Variants in ADAMTS19 observed in about 807,000 individuals in gnomAD.
The protein encoded by ADAMTS19 is A disintegrin and metalloproteinase with thrombospondin motifs 19.
Under a neutral mutation model 153.3 loss-of-function variants are expected in ADAMTS19, and 93 were observed. The observed-to-expected ratio is 0.61, with a 90% CI of 0.51 to 0.72. ADAMTS19 has a LOEUF of 0.72. ADAMTS19 is among the 30% of genes least tolerant of loss of function. ADAMTS19 has a pLI of 0.00. For missense variants in ADAMTS19, 1,482 were observed against 1,552.1 expected, an observed-to-expected ratio of 0.95 and a Z score of 0.76; for synonymous variants, 600 against 556.6, an observed-to-expected ratio of 1.08 and a Z score of -1.10.
At chr5:129,645,944 A>G (rs533365380) in intron 11 of ADAMTS19, among the ~76,000 whole-genome samples, 3 of 124,186 alleles carry the variant, frequency 2.4e-5, no homozygotes, top group African/African-American at 6.3e-5. Context: ...GCTGGAGTGC[A>G]GTGGCGGGAT....
At chr5:129,668,384 A>G (rs1754147201) in intron 16 of ADAMTS19, among the ~76,000 whole-genome samples, 1 of 152,214 alleles carries the variant, frequency 6.6e-6, no homozygotes, top group Non-Finnish European at 1.5e-5. Flanking sequence ...TATAAACAAC[A>G]GAAATGTATT....
chr5:129,684,057 A>G (rs1754952614), intron 17 of ADAMTS19, 63 bp from the exon 18 acceptor site: 2 of 1,480,078 alleles, frequency 1.4e-6, no homozygotes, highest in African/African-American at 1.4e-5. Context: ...TGTTAATTTT[A>G]TGCTTTACAT....
At chr5:129,598,688 G>A (rs1750500743) in intron 8 of ADAMTS19, among the ~76,000 whole-genome samples, 1 of 152,140 alleles carries the variant, frequency 6.6e-6, no homozygotes, top group South Asian at 2.1e-4. Context: ...ATATTTAGCA[G>A]TTGTGTTGAG....
intron 18 of ADAMTS19, among the ~76,000 whole-genome samples, chr5:129,686,276 G>T (rs1342472976): frequency 1.3e-5 from 2 of 152,122 alleles, no homozygotes; most frequent in Non-Finnish European, 2.9e-5. Context: ...GAGGCTGAAA[G>T]TGGTGGATCA....
chr5:129,732,828 C>T (rs77969924), intron 21 of ADAMTS19, among the ~76,000 whole-genome samples: 2,386 of 152,034 alleles, frequency 0.016, 61 homozygotes, highest in African/African-American at 0.053. Context: ...GAAATTCATA[C>T]AGAACTCCAA....
chr5:129,490,524 AG>A (rs2126688738), intron 2 of ADAMTS19, among the ~76,000 whole-genome samples: 1 of 152,318 alleles, frequency 6.6e-6, no homozygotes, highest in East Asian at 1.9e-4. Context: ...AGGCAACTAA[AG>A]CTCTCTAATT....
intron 2 of ADAMTS19, among the ~76,000 whole-genome samples, chr5:129,496,699 A>G (rs200133471): frequency 6.6e-6 from 1 of 152,156 alleles, no homozygotes; most frequent in East Asian, 1.9e-4. Context: ...ACTAGGCTGG[A>G]ATTGCATGAG....
intron 16 of ADAMTS19, among the ~76,000 whole-genome samples, chr5:129,679,427 C>G (rs1394381170): frequency 6.6e-6 from 1 of 152,056 alleles, no homozygotes; most frequent in Non-Finnish European, 1.5e-5. Flanking sequence ...ACTGGATAGA[C>G]TAAATAGATA....
chr5:129,652,142 A>G (rs187457960), intron 13 of ADAMTS19, among the ~76,000 whole-genome samples: 19 of 152,342 alleles, frequency 1.2e-4, no homozygotes, highest in Admixed American at 7.2e-4. Flanking sequence ...AAAATAATCC[A>G]CAATACCTAT....
intron 16 of ADAMTS19, among the ~76,000 whole-genome samples, chr5:129,674,101 T>A (rs192689484): frequency 7.7e-4 from 117 of 152,054 alleles, no homozygotes; most frequent in African/African-American, 2.6e-3. Context: ...TGTGGTGGCA[T>A]GCCCCTGTAA....
rs919143508 is a variant in ADAMTS19 at position 129,461,296 on chromosome 5, C to A, written c.286C>A (p.Pro96Thr). ...CGAGGTGCGCTCTGTGGCTCCGGTGCCTTTGGAGGAGCCCGTGGAGGGCCG... is the reference window on the plus strand; with the variant it reads ...CGAGGTGCGCTCTGTGGCTCCGGTGACTTTGGAGGAGCCCGTGGAGGGCCG... ...SREVRSVAPV[P>T]LEEPVEGRSE... The change falls in exon 2 of 23, where the codon CCT becomes ACT. Residue 96 changes from proline (P) to threonine (T), a missense_variant. This residue lies in a region of ADAMTS19 where 866 missense variants were observed against 827.7 expected (regional missense o/e 1.05). Coordinates refer to ENST00000274487, the MANE Select transcript of ADAMTS19 (RefSeq NM_133638.6). This position sits in a 1 kb window ranked among gnomAD's most constrained non-coding sequence, Gnocchi z 4.6. The A allele has an allele frequency of 7.7e-7, 1 of 1,295,440 alleles. No individual in the cohort carries two copies. Among genetic ancestry groups the A allele is most frequent in the South Asian group, 2.7e-5 (1 of 37,644 alleles). 80.2% of individuals were successfully genotyped at this position (1,295,440 alleles called of 1,614,324 possible). A position where few individuals can be genotyped will look rare whatever the true frequency, so the allele number is the denominator to read the frequency against.
intron 16 of ADAMTS19, among the ~76,000 whole-genome samples, chr5:129,670,193 C>T (rs889846764): frequency 6.6e-6 from 1 of 152,130 alleles, no homozygotes; most frequent in Admixed American, 6.6e-5. Flanking sequence ...TTCTGTATTG[C>T]ATATCCTTGT....
At chr5:129,538,353 A>C (rs1285942889) in intron 6 of ADAMTS19, among the ~76,000 whole-genome samples, 1 of 152,108 alleles carries the variant, frequency 6.6e-6, no homozygotes, top group East Asian at 1.9e-4. Flanking sequence ...CATAGTCTAC[A>C]TACAAGTTTT....
At chr5:129,610,342 A>C (rs1194065987) in intron 8 of ADAMTS19, among the ~76,000 whole-genome samples, 2 of 152,060 alleles carry the variant, frequency 1.3e-5, no homozygotes, top group South Asian at 2.1e-4. Context: ...CACAATGTGC[A>C]GGTTTGTTAC....
Position 129,518,112 on chromosome 5 carries a change from T to G in ADAMTS19, c.914-8172T>G, listed in dbSNP as rs141633508. On this transcript the variant is annotated intron_variant, in intron 3 of 22. Transcript: ENST00000274487. ...GCCTTAACTTTGTACCCCAACTTTT[T>G]AAACTTTTTTTGTTTCTATTTATAT... is the stretch of plus-strand genomic sequence containing the variant. Among the ~76,000 whole-genome samples, 543 of 152,264 alleles carry G rather than the reference T, an allele frequency of 3.6e-3. 1 individual carries two copies. Among genetic ancestry groups the G allele is most frequent in the African/African-American group, 0.012 (504 of 41,574 alleles).
At chr5:129,657,413 G>C (rs539081394) in intron 14 of ADAMTS19, among the ~76,000 whole-genome samples, 2 of 152,250 alleles carry the variant, frequency 1.3e-5, no homozygotes, top group African/African-American at 4.8e-5. Flanking sequence ...ATCAGTCTCT[G>C]TTCCAAATCC....
intron 21 of ADAMTS19, among the ~76,000 whole-genome samples, chr5:129,714,369 A>C (rs1480248796): frequency 7.0e-6 from 1 of 142,904 alleles, no homozygotes; most frequent in East Asian, 2.1e-4. Context: ...CAGTGAGCCG[A>C]GATTGCGCCA....
chr5:129,512,279 C>A (rs1323648678), intron 3 of ADAMTS19, among the ~76,000 whole-genome samples: 3 of 152,034 alleles, frequency 2.0e-5, no homozygotes, highest in Admixed American at 6.6e-5. Flanking sequence ...TGAACTAGTT[C>A]CCATACTCCA....
At position 129,475,847 on chromosome 5, in the gene ADAMTS19, T is replaced by A. The variant is rs116464344; in HGVS notation, c.747+14090T>A. On this transcript the variant is annotated intron_variant, in intron 2 of 22. Transcript: ENST00000274487. The stretch of plus-strand genomic sequence containing the variant: ...ACTCCATCTCAAAATAAAAATAAAT[T>A]GTTTTGGCCATTCTGGCCTCTTTAT... 4.6e-3 allele frequency among the ~76,000 whole-genome samples: 696 copies of A among 152,276 alleles called. 7 individuals are homozygous for A. The highest frequency in any genetic ancestry group is 0.016 in the African/African-American group (649 of 41,564).
Sources: gnomAD v4.1 joint callset for allele counts (sites outside exome capture counted in the v4.1 genomes callset) on GRCh38, gnomAD v4.1.1 for gene constraint, gnomAD v4.1.1 regional missense constraint, Gnocchi (gnomAD v3.1) non-coding constraint, MANE v1.5 for transcripts, NCBI Gene and HGNC (gene_info 2026-07-23, HGNC 2026-07-21) for gene names.